The following MFSD2B variants were observed in gnomAD, a reference collection of about 807,000 sequenced individuals.
MFSD2B encodes sphingosine-1-phosphate transporter MFSD2B.
In MFSD2B, 56 loss-of-function variants were observed where a neutral mutation model predicts 58.4. The ratio of observed to expected loss-of-function variants is 0.96; its 90% CI spans 0.77 to 1.20. The LOEUF (loss-of-function observed/expected upper bound fraction) is 1.20. MFSD2B is among the 50% of genes most tolerant of loss of function. The pLI is 0.00. For missense variants in MFSD2B, 645 were observed against 667.6 expected, an observed-to-expected ratio of 0.97 and a Z score of 0.37; for synonymous variants, 287 against 294.4, an observed-to-expected ratio of 0.97 and a Z score of 0.26.
At chr2:24,019,948 C>T (rs923511996) in intron 6 of MFSD2B, among the ~76,000 whole-genome samples, 7 of 152,342 alleles carry the variant, frequency 4.6e-5, no homozygotes, top group Middle Eastern at 6.8e-3. Flanking sequence ...CTCACATCTG[C>T]GCCCCCATTC....
In MFSD2B at chr2:24,021,037, C is replaced by T. The variant is rs1179472756; in HGVS notation, c.682-611C>T. Among the ~76,000 whole-genome samples, 1 of 152,004 alleles carries T rather than the reference C, an allele frequency of 6.6e-6. No homozygotes were observed. The highest frequency in any genetic ancestry group is 1.9e-4 in the East Asian group (1 of 5,176). ...TCAGCCTCCTGAGTAGCTAGGATGACAGGCACCCGCCACCACACCCAGCTA... is the reference window on the plus strand; with the variant it reads ...TCAGCCTCCTGAGTAGCTAGGATGATAGGCACCCGCCACCACACCCAGCTA... On this transcript the variant is annotated intron_variant, in intron 6 of 13. Coordinates refer to ENST00000338315, the MANE Select transcript of MFSD2B (RefSeq NM_001346880.2). The surrounding 1 kb of genome is among the most constrained non-coding windows in gnomAD (Gnocchi z 5.7).
rs1449854500 is a variant in MFSD2B at position 24,023,055 on chromosome 2, A to T, written c.1060-75A>T. On this transcript the variant is annotated intron_variant, in intron 10 of 13. Coordinates refer to ENST00000338315, the MANE Select transcript of MFSD2B (RefSeq NM_001346880.2). This position sits in a 1 kb window ranked among gnomAD's most constrained non-coding sequence, Gnocchi z 5.0. ...CACAGGGCAAGGCATGGGGGTCGTC[A>T]GTCGAGTCGTGTGTGAAGGAGCAGG... The T allele has an allele frequency of 1.4e-6, 2 of 1,389,164 alleles. No homozygotes were observed. The highest frequency in any genetic ancestry group is 2.3e-5 in the East Asian group (1 of 43,932). 86.1% of individuals were successfully genotyped at this position (1,389,164 alleles called of 1,614,324 possible).
intron 3 of MFSD2B, 123 bp downstream of exon 3, chr2:24,016,403 T>A: frequency 9.2e-7 from 1 of 1,085,974 alleles, no homozygotes; most frequent in South Asian, 1.6e-5. Flanking sequence ...CTGGATAATA[T>A]CGCAGGTGCA....
At position 24,016,155 on chromosome 2, in the gene MFSD2B, G is replaced by C; in HGVS notation, c.223-1G>C. Reference sequence around the variant, plus strand: ...TCTATCCCCTCCCCTGTCTGTTTCAGATCCCTGCCGCCCAGGTGTCACTTG... The same window carrying C: ...TCTATCCCCTCCCCTGTCTGTTTCACATCCCTGCCGCCCAGGTGTCACTTG... On this transcript the variant is annotated splice_acceptor_variant, in intron 2 of 13. Coordinates refer to ENST00000338315, the MANE Select transcript of MFSD2B (RefSeq NM_001346880.2). LOFTEE classifies it high-confidence loss of function. 6.2e-7 allele frequency: 1 copy of C among 1,613,330 alleles called. No homozygotes were observed. Among genetic ancestry groups the C allele is most frequent in the Non-Finnish European group, 8.5e-7 (1 of 1,179,826 alleles).
In MFSD2B at chr2:24,025,519, T is replaced by C. The variant is rs902334629; in HGVS notation, c.*63T>C. Reference sequence around the variant, plus strand: ...GCACCCTCGGGGCCTGACATCGCCCTCCTCAGCCCTCCAGCACCTGGTCTG... The same window carrying C: ...GCACCCTCGGGGCCTGACATCGCCCCCCTCAGCCCTCCAGCACCTGGTCTG... On this transcript the variant is annotated 3_prime_UTR_variant, in exon 14 of 14. Transcript: ENST00000338315. 29 of 1,418,396 alleles carry C rather than the reference T, an allele frequency of 2.0e-5. No individual in the cohort carries two copies. In the African/African-American group the frequency reaches 4.0e-4, roughly 19 times the overall value. The allele number at this position is 1,418,396 out of a possible 1,614,324, so 87.9% of individuals were successfully genotyped here.
Position 24,024,919 on chromosome 2 carries a change from C to T in MFSD2B, c.1491-513C>T, listed in dbSNP as rs887485979. Among the ~76,000 whole-genome samples, 4 of 152,096 alleles carry T rather than the reference C, an allele frequency of 2.6e-5. No individual in the cohort carries two copies. Among genetic ancestry groups the T allele is most frequent in the Non-Finnish European group, 5.9e-5 (4 of 68,024 alleles). On this transcript the variant is annotated intron_variant, in intron 13 of 13. Transcript: ENST00000338315. The surrounding 1 kb of genome is among the most constrained non-coding windows in gnomAD (Gnocchi z 4.3). The stretch of plus-strand genomic sequence containing the variant: ...AGGATCTACTCACTGTCTGACCTTC[C>T]GGGGAGGCTATGGGAACCTTGAAGG...
rs775981723 is a variant in MFSD2B, at chr2:24,012,189, C to CA, written c.97-1089dup. ...ACACACACACACACACAAAAACAGA[C>CA]AAAAAAACCCTGCAATAGCAAGCCA... On this transcript the variant is annotated intron_variant, in intron 1 of 13. Coordinates refer to ENST00000338315, the MANE Select transcript of MFSD2B (RefSeq NM_001346880.2). The surrounding 1 kb of genome is among the most constrained non-coding windows in gnomAD (Gnocchi z 4.5). Among the ~76,000 whole-genome samples, 8 of 132,140 alleles carry CA rather than the reference C, an allele frequency of 6.1e-5. No homozygotes were observed. The highest frequency in any genetic ancestry group is 1.7e-4 in the African/African-American group (6 of 35,428). The allele number at this position is 132,140 out of a possible 152,430, so 86.7% of individuals were successfully genotyped here. A position where few individuals can be genotyped will look rare whatever the true frequency, so the allele number is the denominator to read the frequency against.
intron 2 of MFSD2B, among the ~76,000 whole-genome samples, chr2:24,015,517 T>C (rs2150938537): frequency 6.6e-6 from 1 of 152,362 alleles, no homozygotes; most frequent in East Asian, 1.9e-4. Flanking sequence ...CAGTCTGATA[T>C]GATCCCATTT....
In MFSD2B at chr2:24,010,118, G is replaced by A; in HGVS notation, c.22G>A (p.Ala8Thr). ...GGCAATGGCGGCGCCCCCTGCACCAGCCGCCAAGGGGTCCCCGCAGCCGGA... is the reference window on the plus strand; with the variant it reads ...GGCAATGGCGGCGCCCCCTGCACCAACCGCCAAGGGGTCCCCGCAGCCGGA... MAAPPAP[A>T]AKGSPQPEPH... Residue 8 changes from alanine to threonine, a missense_variant, in exon 1 of 14, where the codon GCC (alanine) becomes ACC (threonine). Transcript: ENST00000338315. The A allele has an allele frequency of 1.4e-6, 2 of 1,461,018 alleles. No homozygotes were observed. Among genetic ancestry groups the A allele is most frequent in the South Asian group, 1.3e-5 (1 of 74,648 alleles). The allele number at this position is 1,461,018 out of a possible 1,614,324, so 90.5% of individuals were successfully genotyped here.
At position 24,017,554 on chromosome 2, in the gene MFSD2B, C is replaced by A; in HGVS notation, c.647C>A (p.Ala216Glu). 4 of 1,565,414 alleles carry A rather than the reference C, an allele frequency of 2.6e-6. No individual in the cohort carries two copies. The highest frequency in any genetic ancestry group is 3.5e-6 in the Non-Finnish European group (4 of 1,155,162). The change falls in exon 6 of 14, where the codon GCG becomes GAG. Residue 216 changes from alanine to glutamate, a missense_variant. Coordinates refer to ENST00000338315, the MANE Select transcript of MFSD2B (RefSeq NM_001346880.2). The surrounding 1 kb of genome is among the most constrained non-coding windows in gnomAD (Gnocchi z 4.8). ...AGACCCCACAGGTGCGAGGCCACTG[C>A]GACCCCGGGGCCAGTCACTGTCTCC... The part of the protein sequence containing the change: ...AHRPHRCEAT[A>E]TPGPVTVSPN...
Position 24,022,770 on chromosome 2 carries a change from G to T in MFSD2B, c.979-52G>T. The T allele has an allele frequency of 7.2e-7, 1 of 1,397,064 alleles. No homozygotes were observed. The highest frequency in any genetic ancestry group is 9.6e-7 in the Non-Finnish European group (1 of 1,043,252). The allele number at this position is 1,397,064 out of a possible 1,614,324, so 86.5% of individuals were successfully genotyped here. A position where few individuals can be genotyped will look rare whatever the true frequency, so the allele number is the denominator to read the frequency against. On this transcript the variant is annotated intron_variant, in intron 9 of 13. Coordinates refer to ENST00000338315, the MANE Select transcript of MFSD2B (RefSeq NM_001346880.2). This position sits in a 1 kb window ranked among gnomAD's most constrained non-coding sequence, Gnocchi z 4.5. ...TAAAAGCCAAGGCCTTGGGGTCCCA[G>T]GCAAAGGCGCTGGCAGCACGGCCCT...
rs920469355 is a variant in MFSD2B, at chr2:24,023,824, C to T, written c.1313+98C>T. On this transcript the variant is annotated intron_variant, in intron 12 of 13. Transcript: ENST00000338315. The surrounding 1 kb of genome is among the most constrained non-coding windows in gnomAD (Gnocchi z 5.0). The stretch of plus-strand genomic sequence containing the variant: ...TACCAAGCTCAGGGCATCCATGAGC[C>T]TGGGGCCTAAGCGCTACTCTTTGGA... 32 of 1,411,534 alleles carry T rather than the reference C, an allele frequency of 2.3e-5. No individual in the cohort carries two copies. In the Admixed American group the frequency reaches 5.3e-4, roughly 23 times the overall value. 87.4% of individuals were successfully genotyped at this position (1,411,534 alleles called of 1,614,324 possible).
At position 24,023,820 on chromosome 2, in the gene MFSD2B, G is replaced by A. The variant is rs1662888745; in HGVS notation, c.1313+94G>A. ...CACCTACCAAGCTCAGGGCATCCAT[G>A]AGCCTGGGGCCTAAGCGCTACTCTT... On this transcript the variant is annotated intron_variant, in intron 12 of 13. Transcript: ENST00000338315. This position sits in a 1 kb window ranked among gnomAD's most constrained non-coding sequence, Gnocchi z 5.0. 2.1e-6 allele frequency: 3 copies of A among 1,443,148 alleles called. No individual in the cohort carries two copies. Among genetic ancestry groups the A allele is most frequent in the South Asian group, 1.3e-5 (1 of 79,866 alleles). 89.4% of individuals were successfully genotyped at this position (1,443,148 alleles called of 1,614,324 possible). A position where few individuals can be genotyped will look rare whatever the true frequency, so the allele number is the denominator to read the frequency against.
At chr2:24,019,878 T>C (rs1662700230) in intron 6 of MFSD2B, among the ~76,000 whole-genome samples, 1 of 152,178 alleles carries the variant, frequency 6.6e-6, no homozygotes, top group African/African-American at 2.4e-5. Context: ...ACCCTCCGAA[T>C]CCACACGCTG....
In MFSD2B at chr2:24,024,008, G is replaced by C. The variant is rs866191075; in HGVS notation, c.1314-87G>C. Reference sequence around the variant, plus strand: ...AATGAAGTCCACGTTTCAGGAGGGGGTGGGGTGGGGTGAGGTGTCGAGTCC... The same window carrying C: ...AATGAAGTCCACGTTTCAGGAGGGGCTGGGGTGGGGTGAGGTGTCGAGTCC... On this transcript the variant is annotated intron_variant, in intron 12 of 13. Transcript: ENST00000338315. The surrounding 1 kb of genome is among the most constrained non-coding windows in gnomAD (Gnocchi z 4.3). 19 of 1,324,328 alleles carry C rather than the reference G, an allele frequency of 1.4e-5. No individual in the cohort carries two copies. The African/African-American group carries it at 2.0e-4, about 14-fold the overall frequency. 82.0% of individuals were successfully genotyped at this position (1,324,328 alleles called of 1,614,324 possible).
At position 24,016,137 on chromosome 2, in the gene MFSD2B, C is replaced by G. The variant is rs1159599418; in HGVS notation, c.223-19C>G. On this transcript the variant is annotated intron_variant, in intron 2 of 13. Transcript: ENST00000338315. ...GCTGCTGGGCCTCAGCTCTCTATCC[C>G]CTCCCCTGTCTGTTTCAGATCCCTG... 3 of 1,612,658 alleles carry G rather than the reference C, an allele frequency of 1.9e-6. No homozygotes were observed. In the South Asian group the frequency reaches 3.3e-5, roughly 18 times the overall value.
rs1350344337 is a variant in MFSD2B, at chr2:24,023,313, G to A, written c.1169+74G>A. The A allele has an allele frequency of 2.4e-6, 3 of 1,262,916 alleles. No individual in the cohort carries two copies. Among genetic ancestry groups the A allele is most frequent in the African/African-American group, 1.5e-5 (1 of 68,398 alleles). 78.2% of individuals were successfully genotyped at this position (1,262,916 alleles called of 1,614,324 possible). A position where few individuals can be genotyped will look rare whatever the true frequency, so the allele number is the denominator to read the frequency against. ...CCTTCATGTAAACCTGCCGTCCCAG[G>A]CCCCCTGCACCCAGCCTGTGCAGGA... On this transcript the variant is annotated intron_variant, in intron 11 of 13. Coordinates refer to ENST00000338315, the MANE Select transcript of MFSD2B (RefSeq NM_001346880.2). This position sits in a 1 kb window ranked among gnomAD's most constrained non-coding sequence, Gnocchi z 5.0.
chr2:24,025,388 A>G (rs752734071), intron 13 of MFSD2B, 44 bp from the exon 14 acceptor site: 23 of 1,532,106 alleles, frequency 1.5e-5, no homozygotes, highest in Non-Finnish European at 2.0e-5. Flanking sequence ...CAGAGGGCCC[A>G]CACCACTTCC....
chr2:24,010,313 C>T, intron 1 of MFSD2B, 121 bp downstream of exon 1: 3 of 743,902 alleles, frequency 4.0e-6, no homozygotes, highest in Non-Finnish European at 5.7e-6. Context: ...CCTGCCAGCT[C>T]AGGGGCTGCC....
Sources: gnomAD v4.1 joint callset for allele counts (sites outside exome capture counted in the v4.1 genomes callset) on GRCh38, gnomAD v4.1.1 for gene constraint, Gnocchi (gnomAD v3.1) non-coding constraint, MANE v1.5 for transcripts, NCBI Gene and HGNC (gene_info 2026-07-23, HGNC 2026-07-21) for gene names.